The following PREX2 variants were observed in gnomAD, a reference collection of about 807,000 sequenced individuals.
The protein encoded by PREX2 is phosphatidylinositol-3,4,5-trisphosphate dependent Rac exchange factor 2, also known as phosphatidylinositol 3,4,5-trisphosphate-dependent Rac exchanger 2 protein.
In PREX2, 107 loss-of-function variants were observed where a neutral mutation model predicts 203.2. That is an observed-to-expected ratio of 0.53 (90% CI 0.45 to 0.62). The LOEUF (loss-of-function observed/expected upper bound fraction) is 0.62, where lower values mean the gene tolerates loss of function less well. PREX2 is among the 20% of genes least tolerant of loss of function. The pLI is 0.00. For missense variants in PREX2, 1,777 were observed against 1,955.9 expected, an observed-to-expected ratio of 0.91 and a Z score of 1.72; for synonymous variants, 672 against 663.6, an observed-to-expected ratio of 1.01 and a Z score of -0.19.
At chr8:67,994,738 C>G (rs1806714948) in intron 1 of PREX2, among the ~76,000 whole-genome samples, 1 of 152,100 alleles carries the variant, frequency 6.6e-6, no homozygotes, top group Non-Finnish European at 1.5e-5. Flanking sequence ...TATCAACAAC[C>G]AGCTTTCCTG....
At chr8:68,223,171 A>G (rs1812990222) in intron 38 of PREX2, 1 of 152,214 alleles carries the variant, frequency 6.6e-6, no homozygotes, top group African/African-American at 2.4e-5. Context: ...GGTTTTAGTA[A>G]TCACACTGTG....
intron 25 of PREX2, among the ~76,000 whole-genome samples, chr8:68,112,934 A>G (rs897026739): frequency 4.6e-5 from 7 of 152,210 alleles, no homozygotes; most frequent in Non-Finnish European, 1.0e-4. Context: ...GATGATGTTT[A>G]AAAACACACA....
Position 68,134,188 on chromosome 8 carries a change from A to C in PREX2, c.3896A>C (p.Glu1299Ala), listed in dbSNP as rs1484113215. Reference sequence around the variant, plus strand: ...GACAACAGCAAGGAAAATGAGATGGAAACTTGGGAAGCCAGCAGGAGGTGG... The same window carrying C: ...GACAACAGCAAGGAAAATGAGATGGCAACTTGGGAAGCCAGCAGGAGGTGG... ...MFDNSKENEM[E>A]TWEASRRWLD... The change falls in exon 32 of 40, where the codon GAA becomes GCA. Residue 1299 changes from glutamate (E) to alanine (A), a missense_variant. Physicochemically the swap from Glu to Ala is moderately radical, Grantham distance 107 (BLOSUM62 -1). Coordinates refer to ENST00000288368, the MANE Select transcript of PREX2 (RefSeq NM_024870.4). 2 of 1,614,120 alleles carry C rather than the reference A, an allele frequency of 1.2e-6. No homozygotes were observed. Among genetic ancestry groups the C allele is most frequent in the Non-Finnish European group, 1.7e-6 (2 of 1,180,016 alleles).
chr8:68,199,393 CA>C (rs1375197949), intron 37 of PREX2, among the ~76,000 whole-genome samples: 1 of 152,208 alleles, frequency 6.6e-6, no homozygotes, highest in Non-Finnish European at 1.5e-5. Context: ...TGGAAATTCA[CA>C]TTTAACAATG....
At chr8:67,976,619 C>CAG (rs10581123) in intron 1 of PREX2, among the ~76,000 whole-genome samples, 1 of 61,334 alleles carries the variant, frequency 1.6e-5, no homozygotes, top group African/African-American at 6.9e-5. Context: ...GAGACAGAGA[C>CAG]AGAGAGAGAG....
chr8:68,108,016 C>T, intron 23 of PREX2, 93 bp from the exon 24 acceptor site: 7 of 733,412 alleles, frequency 9.5e-6, no homozygotes, highest in East Asian at 5.5e-5. Flanking sequence ...TTTAATTTGC[C>T]TTTGATTTTG....
intron 25 of PREX2, chr8:68,114,357 T>A: frequency 2.0e-6 from 1 of 495,322 alleles, no homozygotes. Flanking sequence ...TATGGAAAAA[T>A]GAGAATCAAG....
At chr8:68,186,191 T>C (rs890613591) in intron 35 of PREX2, among the ~76,000 whole-genome samples, 9 of 152,242 alleles carry the variant, frequency 5.9e-5, no homozygotes, top group Admixed American at 1.3e-4. Flanking sequence ...TATAAATTCT[T>C]ATTTTAAAAA....
In PREX2 at chr8:68,177,196, G is replaced by GC. The variant is rs1811997300; in HGVS notation, c.4347-14525dup. On this transcript the variant is annotated intron_variant, in intron 35 of 39. Transcript: ENST00000288368. ...AGGTCTGTTTTACTATGCCTTGAATGCTACCAGATTCTGTAGGCAGTTAAT... is the reference window on the plus strand; with the variant it reads ...AGGTCTGTTTTACTATGCCTTGAATGCCTACCAGATTCTGTAGGCAGTTAAT... 6 of 152,370 alleles carry GC rather than the reference G, an allele frequency of 3.9e-5. No homozygotes were observed. The South Asian group carries it at 1.2e-3, about 32-fold the overall frequency. The allele number at this position is 152,370 out of a possible 1,614,324, so 9.4% of individuals were successfully genotyped here.
intron 28 of PREX2, 133 bp from the exon 29 acceptor site, chr8:68,120,063 C>T (rs1054620433): frequency 5.5e-6 from 3 of 546,422 alleles, no homozygotes; most frequent in South Asian, 3.1e-5. Flanking sequence ...ATGTAAAGAT[C>T]GATTTCACAA....
At chr8:68,053,373 A>G in intron 9 of PREX2, 127 bp downstream of exon 9, 2 of 988,090 alleles carry the variant, frequency 2.0e-6, no homozygotes, top group South Asian at 1.7e-5. Flanking sequence ...GGTTGGTGCA[A>G]AAGTTATTGC....
chr8:68,041,726 CTG>C (rs1808202937), intron 7 of PREX2, among the ~76,000 whole-genome samples: 1 of 152,004 alleles, frequency 6.6e-6, no homozygotes, highest in Non-Finnish European at 1.5e-5. Context: ...CGTTAAGAAA[CTG>C]TAATGTGAAT....
rs1807456236 is a variant in PREX2, at chr8:68,018,063, A to T, written c.213+146A>T. The stretch of plus-strand genomic sequence containing the variant: ...AGTCAGTTGTATTGGTAATAATTTT[A>T]AAAAGGAGAAATAGGGCTTAGGAAA... On this transcript the variant is annotated intron_variant, in intron 2 of 39. Transcript: ENST00000288368. 1.1e-4 allele frequency: 72 copies of T among 640,802 alleles called. 1 individual carries two copies. The South Asian group carries it at 1.3e-3, about 12-fold the overall frequency. 39.7% of individuals were successfully genotyped at this position (640,802 alleles called of 1,614,324 possible).
At chr8:68,113,999 C>T (rs1810590092) in intron 25 of PREX2, among the ~76,000 whole-genome samples, 1 of 151,970 alleles carries the variant, frequency 6.6e-6, no homozygotes, top group Admixed American at 6.6e-5. Flanking sequence ...GTAGCTGGGA[C>T]TACAGGCTTC....
chr8:68,087,685 T>C, intron 18 of PREX2, 39 bp from the exon 19 acceptor site: 1 of 1,427,100 alleles, frequency 7.0e-7, no homozygotes, highest in Non-Finnish European at 9.9e-7. Flanking sequence ...CAGTTTTGAT[T>C]CTTACGCTTC....
chr8:68,128,651 A>G (rs906819782), intron 31 of PREX2, among the ~76,000 whole-genome samples: 2 of 152,120 alleles, frequency 1.3e-5, no homozygotes, highest in African/African-American at 4.8e-5. Context: ...TCTTGTTCAC[A>G]TGGTGGATTT....
chr8:67,980,776 C>T (rs1187063717), intron 1 of PREX2, among the ~76,000 whole-genome samples: 2 of 152,178 alleles, frequency 1.3e-5, no homozygotes, highest in African/African-American at 4.8e-5. Context: ...GTCTGAATTT[C>T]TTGCTGCTGC....
Position 68,231,898 on chromosome 8 carries a change from G to A in PREX2, c.*520G>A, listed in dbSNP as rs995546838. ...TACATTTTCAGTCCCCCATTTGCAA[G>A]AGAGAAAGTCATTAATGTGTAAAAG... On this transcript the variant is annotated 3_prime_UTR_variant, in exon 40 of 40. Transcript: ENST00000288368. 2.6e-5 allele frequency: 4 copies of A among 152,970 alleles called. No individual in the cohort carries two copies. Among genetic ancestry groups the A allele is most frequent in the African/African-American group, 4.8e-5 (2 of 41,472 alleles). The allele number at this position is 152,970 out of a possible 1,614,324, so 9.5% of individuals were successfully genotyped here.
chr8:68,066,493 C>T (rs776896588), intron 11 of PREX2, among the ~76,000 whole-genome samples: 36 of 152,150 alleles, frequency 2.4e-4, no homozygotes, highest in South Asian at 1.9e-3. Flanking sequence ...TTTCATATGC[C>T]TGTTGGCCAT....
Sources: allele counts gnomAD v4.1 joint callset (sites outside exome capture counted in the v4.1 genomes callset), GRCh38; gene constraint gnomAD v4.1.1; transcripts MANE v1.5; gene names NCBI Gene and HGNC (gene_info 2026-07-23, HGNC 2026-07-21).